SLCO1A2: variants seen among roughly 807,000 people sequenced by gnomAD.
SLCO1A2 encodes the protein OATP-1.
In SLCO1A2, 67 loss-of-function variants were observed where a neutral mutation model predicts 69.0. The observed-to-expected ratio is 0.97, with a 90% confidence interval of 0.80 to 1.19. SLCO1A2 has a LOEUF of 1.19. Among genes scored for constraint, SLCO1A2 ranks in the 50% most tolerant of loss-of-function variants. The probability of loss-of-function intolerance (pLI) is 0.00; values close to 1 mark genes in which losing one functional copy is unlikely to be tolerated. For synonymous variants in SLCO1A2, 260 were observed against 265.9 expected (o/e 0.98, Z 0.22); for missense variants, 787 against 793.7 (o/e 0.99, Z 0.10).
At chr12:21,319,454 C>A (rs762881666) in intron 2 of SLCO1A2, 5 of 1,367,228 alleles carry the variant, frequency 3.7e-6, no homozygotes, top group Non-Finnish European at 4.9e-6. Context: ...AGGGAAATAT[C>A]CAGAACAATC....
intron 2 of SLCO1A2, chr12:21,319,611 G>C (rs1951345084): frequency 2.1e-6 from 1 of 476,958 alleles, no homozygotes; most frequent in African/African-American, 2.0e-5. Context: ...ACACAAAAAT[G>C]AGACTCCATT....
chr12:21,379,559 C>A (rs1940454132), intron 1 of SLCO1A2: 1 of 152,124 alleles, frequency 6.6e-6, no homozygotes, highest in South Asian at 2.1e-4. Context: ...GTATATGATA[C>A]ACTTTTTTTG....
chr12:21,283,186 A>C (rs2136197831), intron 12 of SLCO1A2, among the ~76,000 whole-genome samples: 1 of 152,314 alleles, frequency 6.6e-6, no homozygotes, highest in Non-Finnish European at 1.5e-5. Context: ...GACCTATAGT[A>C]ACCAAAACAG....
At chr12:21,309,431 C>A (rs1204809116) in intron 4 of SLCO1A2, among the ~76,000 whole-genome samples, 2 of 151,986 alleles carry the variant, frequency 1.3e-5, no homozygotes, top group Non-Finnish European at 2.9e-5. Context: ...ATAGTTTCCA[C>A]TGAAAGAAAA....
intron 1 of SLCO1A2, among the ~76,000 whole-genome samples, chr12:21,393,824 A>C (rs1941283262): frequency 6.6e-6 from 1 of 152,266 alleles, no homozygotes; most frequent in Non-Finnish European, 1.5e-5. Context: ...AAAGAAAACC[A>C]ACTTATCAAT....
intron 4 of SLCO1A2, 140 bp from the exon 5 acceptor site, chr12:21,307,128 A>C (rs1385904390): frequency 1.3e-5 from 7 of 534,898 alleles, no homozygotes; most frequent in Non-Finnish European, 2.3e-5. Flanking sequence ...CTTGGCATCC[A>C]AGTTATCATA....
intron 3 of SLCO1A2, 87 bp from the exon 4 acceptor site, chr12:21,314,768 T>G (rs1950665800): frequency 1.0e-6 from 1 of 960,344 alleles, no homozygotes; most frequent in African/African-American, 1.6e-5. Context: ...ATTCTAGCAT[T>G]TACTGCATAA....
intron 1 of SLCO1A2, among the ~76,000 whole-genome samples, chr12:21,383,189 T>A (rs1162564415): frequency 6.6e-6 from 1 of 152,178 alleles, no homozygotes; most frequent in Non-Finnish European, 1.5e-5. Flanking sequence ...AAAAATTCAA[T>A]ACACTTACTA....
At chr12:21,344,126 T>TGTA (rs1953172167) in intron 2 of SLCO1A2, among the ~76,000 whole-genome samples, 1 of 152,168 alleles carries the variant, frequency 6.6e-6, no homozygotes, top group African/African-American at 2.4e-5. Context: ...AGTGACCATT[T>TGTA]GCATGTAGCA....
At chr12:21,281,375 AG>A (rs1164124919) in intron 12 of SLCO1A2, among the ~76,000 whole-genome samples, 1 of 151,942 alleles carries the variant, frequency 6.6e-6, no homozygotes, top group Admixed American at 6.6e-5. Flanking sequence ...GCTTAAAACC[AG>A]GAGGCAGAGG....
chr12:21,329,708 T>A (rs1295487520), intron 2 of SLCO1A2, among the ~76,000 whole-genome samples: 3 of 151,500 alleles, frequency 2.0e-5, no homozygotes, highest in Non-Finnish European at 4.4e-5. Flanking sequence ...TTTATCCATT[T>A]AGTTTTATCT....
In SLCO1A2 at chr12:21,298,118, G is replaced by C. The variant is rs144566343; in HGVS notation, c.911-550C>G. On this transcript the variant is annotated intron_variant, in intron 8 of 14. Transcript: ENST00000683939. ...TTTTTTTTGCTTCTTCAGAACAACA[G>C]TTTCAGTGGTTCTGCCATTGGTTCT... Among the ~76,000 whole-genome samples the C allele has an allele frequency of 5.6e-3, 855 of 152,262 alleles. 9 individuals carry two copies. The highest frequency in any genetic ancestry group is 0.019 in the African/African-American group (801 of 41,566).
At chr12:21,349,726 T>C (rs1007012902) in intron 2 of SLCO1A2, among the ~76,000 whole-genome samples, 6 of 152,202 alleles carry the variant, frequency 3.9e-5, no homozygotes, top group African/African-American at 1.4e-4. Flanking sequence ...TTCTCCAGCA[T>C]CGGCCAGTCC....
At chr12:21,288,857 T>C (rs1477841430) in intron 12 of SLCO1A2, among the ~76,000 whole-genome samples, 2 of 151,630 alleles carry the variant, frequency 1.3e-5, no homozygotes, top group Non-Finnish European at 2.9e-5. Flanking sequence ...ATTTTTTAAA[T>C]CTAATTTTTA....
chr12:21,313,313 C>T (rs1258512181), intron 4 of SLCO1A2, among the ~76,000 whole-genome samples: 2 of 152,202 alleles, frequency 1.3e-5, no homozygotes, highest in African/African-American at 4.8e-5. Flanking sequence ...TTGCAATAAA[C>T]CTTCAATTTG....
rs748464130 is a variant in SLCO1A2 at position 21,318,769 on chromosome 12, A to T, written c.202+13T>A. On this transcript the variant is annotated intron_variant, in intron 3 of 14. Coordinates refer to ENST00000683939, the MANE Select transcript of SLCO1A2 (RefSeq NM_001386879.1). Reference sequence around the variant, plus strand: ...AAAATACAAAAAGAAGAAATGCAAAAATAATTCATTACCAATCTCAAAGCT... The same window carrying T: ...AAAATACAAAAAGAAGAAATGCAAATATAATTCATTACCAATCTCAAAGCT... The T allele has an allele frequency of 2.6e-5, 42 of 1,587,582 alleles. No homozygotes were observed. The highest frequency in any genetic ancestry group is 3.5e-5 in the Non-Finnish European group (41 of 1,171,690).
At chr12:21,347,283 A>T (rs1199225686) in intron 2 of SLCO1A2, among the ~76,000 whole-genome samples, 2 of 152,222 alleles carry the variant, frequency 1.3e-5, no homozygotes, top group African/African-American at 4.8e-5. Flanking sequence ...CAGAGGCAGA[A>T]TGCCTATATC....
chr12:21,371,071 T>C (rs1350895864), intron 2 of SLCO1A2, among the ~76,000 whole-genome samples: 2 of 152,222 alleles, frequency 1.3e-5, no homozygotes, highest in African/African-American at 2.4e-5. Context: ...TGCAGTCATA[T>C]TTATACCCAC....
At chr12:21,292,409 C>A in intron 11 of SLCO1A2, 73 bp from the exon 12 acceptor site, 1 of 1,224,574 alleles carries the variant, frequency 8.2e-7, no homozygotes, top group Non-Finnish European at 1.2e-6. Flanking sequence ...TCTACACAGC[C>A]AGTTGGATCA....
Sources: allele counts gnomAD v4.1 joint callset (sites outside exome capture counted in the v4.1 genomes callset), GRCh38; gene constraint gnomAD v4.1.1; transcripts MANE v1.5; gene names NCBI Gene and HGNC (gene_info 2026-07-23, HGNC 2026-07-21).